MTUS2: variants seen among roughly 807,000 people sequenced by gnomAD.
MTUS2 encodes the protein microtubule-associated tumor suppressor candidate 2.
In MTUS2, 40 loss-of-function variants were observed where a neutral mutation model predicts 114.1. That is an observed-to-expected ratio of 0.35 (90% CI 0.27 to 0.46). The LOEUF (loss-of-function observed/expected upper bound fraction) is 0.46, where lower values mean the gene tolerates loss of function less well. Among genes scored for constraint, MTUS2 ranks in the 20% least tolerant of loss-of-function variants. The pLI is 1.00. For missense variants in MTUS2, 1,679 were observed against 1,705.4 expected, an observed-to-expected ratio of 0.98 and a Z score of 0.27; for synonymous variants, 688 against 672.0, an observed-to-expected ratio of 1.02 and a Z score of -0.37.
chr13:29,441,865 A>G (rs934299226), intron 9 of MTUS2, among the ~76,000 whole-genome samples: 10 of 151,950 alleles, frequency 6.6e-5, no homozygotes, highest in African/African-American at 1.9e-4. Flanking sequence ...CTCCTTCCCC[A>G]CTGATGGAAA....
intron 6 of MTUS2, 100 bp downstream of exon 6, chr13:29,281,965 G>T: frequency 7.8e-7 from 1 of 1,275,042 alleles, no homozygotes; most frequent in South Asian, 1.7e-5. Flanking sequence ...TATTTAGAAG[G>T]GATGATTGAT....
chr13:29,010,205 C>T (rs1408860866), intron 2 of MTUS2, among the ~76,000 whole-genome samples: 7 of 119,540 alleles, frequency 5.9e-5, no homozygotes, highest in Non-Finnish European at 1.1e-4. Flanking sequence ...AGCAAGACTC[C>T]GTCTCAAAAA....
chr13:28,833,844 G>A (rs936852403), intron 1 of MTUS2, among the ~76,000 whole-genome samples: 6 of 151,968 alleles, frequency 3.9e-5, no homozygotes, highest in African/African-American at 1.2e-4. Flanking sequence ...CAGTAAGGTG[G>A]CCATATGCAA....
rs1285979038 is a variant in MTUS2, at chr13:29,063,386, A to T, written c.2446+29261A>T. On this transcript the variant is annotated intron_variant, in intron 4 of 15. Coordinates refer to ENST00000612955, the MANE Select transcript of MTUS2 (RefSeq NM_001033602.4). ...GACTATGCAACCTGAAAGAACTGTA[A>T]TATTTTTTGATAGGAGCAGTTGAAG... 2.0e-5 allele frequency among the ~76,000 whole-genome samples: 3 copies of T among 152,198 alleles called. No homozygotes were observed. The South Asian group carries it at 6.2e-4, about 32-fold the overall frequency.
chr13:29,458,674 C>T, intron 9 of MTUS2, among the ~76,000 whole-genome samples: 1 of 152,174 alleles, frequency 6.6e-6, no homozygotes, highest in South Asian at 2.1e-4. Context: ...TCTTGGTGAA[C>T]CACAGGCAGG....
chr13:28,946,772 A>G (rs1422615127), intron 2 of MTUS2, among the ~76,000 whole-genome samples: 3 of 151,910 alleles, frequency 2.0e-5, no homozygotes, highest in Non-Finnish European at 4.4e-5. Context: ...CTGGTCTTCA[A>G]TTCCTGGCCT....
chr13:29,495,906 C>T (rs991895997), intron 12 of MTUS2, among the ~76,000 whole-genome samples: 3 of 151,364 alleles, frequency 2.0e-5, no homozygotes, highest in Admixed American at 6.6e-5. Flanking sequence ...CTCTCTCTCT[C>T]TCTTTATATG....
chr13:29,136,278 A>G (rs1352599644), intron 5 of MTUS2, among the ~76,000 whole-genome samples: 2 of 152,196 alleles, frequency 1.3e-5, no homozygotes, highest in East Asian at 3.8e-4. Context: ...TTCGCCAGAT[A>G]TAGAATTGTG....
At chr13:29,462,257 A>G (rs73446124) in intron 9 of MTUS2, among the ~76,000 whole-genome samples, 3,356 of 152,312 alleles carry the variant, frequency 0.022, 113 homozygotes, top group African/African-American at 0.072. Context: ...TGGCTGGAGC[A>G]GAGTGAACAG....
intron 8 of MTUS2, among the ~76,000 whole-genome samples, chr13:29,382,481 G>C (rs974472046): frequency 2.6e-5 from 4 of 152,188 alleles, no homozygotes; most frequent in African/African-American, 7.2e-5. Flanking sequence ...TAAGTAGGGA[G>C]TAGAGAAAAG....
intron 8 of MTUS2, among the ~76,000 whole-genome samples, chr13:29,361,001 G>A (rs1296252980): frequency 6.6e-6 from 1 of 152,198 alleles, no homozygotes; most frequent in African/African-American, 2.4e-5. Context: ...TTGATAATAT[G>A]TTCCGTGTTT....
At chr13:29,382,801 A>G (rs1872315405) in intron 8 of MTUS2, among the ~76,000 whole-genome samples, 1 of 152,196 alleles carries the variant, frequency 6.6e-6, no homozygotes, top group South Asian at 2.1e-4. Flanking sequence ...AAATGAACAC[A>G]TGACACAATG....
intron 8 of MTUS2, among the ~76,000 whole-genome samples, chr13:29,390,114 TACACAC>T (rs145481007): frequency 1.4e-5 from 1 of 71,950 alleles, no homozygotes; most frequent in African/African-American, 2.9e-5. Flanking sequence ...TATATACACA[TACACAC>T]ACAAACATAT....
intron 2 of MTUS2, among the ~76,000 whole-genome samples, chr13:28,969,879 C>T (rs545236239): frequency 1.3e-5 from 2 of 152,336 alleles, no homozygotes; most frequent in South Asian, 4.1e-4. Context: ...CTCCTGGGTT[C>T]AAGCGATTCT....
chr13:29,193,234 G>A (rs1392726022), intron 5 of MTUS2, among the ~76,000 whole-genome samples: 2 of 152,080 alleles, frequency 1.3e-5, no homozygotes, highest in Middle Eastern at 6.3e-3. Context: ...CAGTGAGATT[G>A]GAGTGCTGAA....
At chr13:28,891,892 CA>C (rs1878953599) in intron 2 of MTUS2, among the ~76,000 whole-genome samples, 1 of 135,386 alleles carries the variant, frequency 7.4e-6, no homozygotes, top group South Asian at 2.4e-4. Flanking sequence ...AGAATAACAA[CA>C]AAGGACAAAA....
intron 5 of MTUS2, among the ~76,000 whole-genome samples, chr13:29,224,975 G>C (rs1220528482): frequency 6.6e-6 from 1 of 152,208 alleles, no homozygotes; most frequent in Admixed American, 6.5e-5. Context: ...GGGCTGCGGT[G>C]GTTCCTGGTC....
intron 14 of MTUS2, among the ~76,000 whole-genome samples, chr13:29,499,162 A>G (rs1164871031): frequency 6.6e-6 from 1 of 152,156 alleles, no homozygotes; most frequent in Non-Finnish European, 1.5e-5. Context: ...GGGGGACACA[A>G]ACATTCAGTC....
intron 10 of MTUS2, among the ~76,000 whole-genome samples, chr13:29,481,955 C>T (rs1422306948): frequency 6.6e-6 from 1 of 152,192 alleles, no homozygotes; most frequent in African/African-American, 2.4e-5. Context: ...TAACTCCAGT[C>T]AGTAGACATT....
Sources: allele counts gnomAD v4.1 joint callset (sites outside exome capture counted in the v4.1 genomes callset), GRCh38; gene constraint gnomAD v4.1.1; transcripts MANE v1.5; gene names NCBI Gene and HGNC (gene_info 2026-07-23, HGNC 2026-07-21).